PPP2R2B: variants seen among roughly 807,000 people sequenced by gnomAD.
PPP2R2B encodes the protein serine/threonine-protein phosphatase 2A 55 kDa regulatory subunit B beta isoform.
In PPP2R2B, 5 loss-of-function variants were observed where a neutral mutation model predicts 46.0. The ratio of observed to expected loss-of-function variants is 0.11; its 90% CI spans 0.06 to 0.23. The LOEUF (loss-of-function observed/expected upper bound fraction) is 0.23, where lower values mean the gene tolerates loss of function less well. PPP2R2B is among the 10% of genes least tolerant of loss of function. The pLI is 1.00. For missense variants in PPP2R2B, 367 were observed against 575.0 expected, an observed-to-expected ratio of 0.64 and a Z score of 3.70; for synonymous variants, 215 against 206.7, an observed-to-expected ratio of 1.04 and a Z score of -0.34.
chr5:146,656,902 T>G lies in PPP2R2B; in HGVS notation c.448-6178A>C, dbSNP rs75419449. On this transcript the variant is annotated intron_variant, in intron 5 of 9. Transcript: ENST00000394411. The stretch of plus-strand genomic sequence containing the variant: ...TCTGTCTCTGCTCACCCGCTTTGAG[T>G]CTTCCTCCCTCAGGTTCTTATTATC... 6.5e-3 allele frequency among the ~76,000 whole-genome samples: 990 copies of G among 152,192 alleles called. 24 individuals are homozygous for G. Among genetic ancestry groups the G allele is most frequent in the Admixed American group, 0.042 (636 of 15,274 alleles).
intron 1 of PPP2R2B, among the ~76,000 whole-genome samples, chr5:146,926,477 C>T (rs1207060068): frequency 3.3e-5 from 5 of 151,932 alleles, no homozygotes; most frequent in Admixed American, 6.6e-5. Flanking sequence ...CTGCAAGCTC[C>T]GCCTCTCGGG....
In PPP2R2B at chr5:146,878,498, C is replaced by A. The variant is rs965085801; in HGVS notation, c.-125+93G>T. The A allele has an allele frequency of 1.5e-6, 2 of 1,326,864 alleles. No homozygotes were observed. Among genetic ancestry groups the A allele is most frequent in the Non-Finnish European group, 1.9e-6 (2 of 1,030,170 alleles). The allele number at this position is 1,326,864 out of a possible 1,614,324, so 82.2% of individuals were successfully genotyped here. A position where few individuals can be genotyped will look rare whatever the true frequency, so the allele number is the denominator to read the frequency against. ...CTCCAAAATGCAAAAAAGATCCCTC[C>A]TCCCCCTGGGAGAGCGGGCAGCCGC... On this transcript the variant is annotated intron_variant, in intron 1 of 9. Coordinates refer to ENST00000394411, the MANE Select transcript of PPP2R2B (RefSeq NM_181675.4). This position sits in a 1 kb window ranked among gnomAD's most constrained non-coding sequence, Gnocchi z 4.5.
chr5:146,777,536 T>C (rs1429072598), intron 2 of PPP2R2B, among the ~76,000 whole-genome samples: 1 of 152,124 alleles, frequency 6.6e-6, no homozygotes, highest in African/African-American at 2.4e-5. Flanking sequence ...TTTTTGGAAA[T>C]AATAGTGATA....
At position 146,615,879 on chromosome 5, in the gene PPP2R2B, G is replaced by GA. The variant is rs146996272; in HGVS notation, c.791-15420dup. The stretch of plus-strand genomic sequence containing the variant: ...AAATACCAATGACTTTACAGAAATA[G>GA]AAAAAACAATCCTAAAATTTATATG... On this transcript the variant is annotated intron_variant, in intron 7 of 9. Transcript: ENST00000394411. 6.7e-3 allele frequency among the ~76,000 whole-genome samples: 1,025 copies of GA among 152,158 alleles called. 15 individuals carry two copies. The highest frequency in any genetic ancestry group is 0.023 in the African/African-American group (972 of 41,536).
intron 2 of PPP2R2B, among the ~76,000 whole-genome samples, chr5:147,070,961 G>T (rs1404636426): frequency 6.6e-6 from 1 of 152,008 alleles, no homozygotes; most frequent in African/African-American, 2.4e-5. Context: ...CTGCACTCCA[G>T]CCTGGCGACA....
intron 2 of PPP2R2B, among the ~76,000 whole-genome samples, chr5:147,080,155 T>C (rs1390341581): frequency 1.3e-5 from 2 of 152,206 alleles, no homozygotes; most frequent in Non-Finnish European, 2.9e-5. Flanking sequence ...CTTGAATTAC[T>C]TTTTACTCAG....
At chr5:146,645,018 G>A (rs1775483868) in intron 6 of PPP2R2B, among the ~76,000 whole-genome samples, 1 of 152,158 alleles carries the variant, frequency 6.6e-6, no homozygotes, top group Admixed American at 6.5e-5. Flanking sequence ...TATAAACATT[G>A]GCCAAGCTGA....
chr5:146,672,824 C>T (rs535126688), intron 5 of PPP2R2B, among the ~76,000 whole-genome samples: 51 of 152,314 alleles, frequency 3.3e-4, no homozygotes, highest in African/African-American at 1.2e-3. Flanking sequence ...TTTTTTCCTT[C>T]ACGAGAACTC....
At chr5:146,845,742 C>T (rs1366200449) in intron 2 of PPP2R2B, among the ~76,000 whole-genome samples, 4 of 152,146 alleles carry the variant, frequency 2.6e-5, no homozygotes, top group Admixed American at 6.5e-5. Flanking sequence ...GTGAAATAGG[C>T]AATTTGAGTA....
At chr5:146,835,364 GT>G (rs749083512) in intron 2 of PPP2R2B, among the ~76,000 whole-genome samples, 10 of 152,042 alleles carry the variant, frequency 6.6e-5, no homozygotes, top group Non-Finnish European at 1.2e-4. Flanking sequence ...TTCAGGGAGT[GT>G]TTTGATTTCC....
intron 2 of PPP2R2B, among the ~76,000 whole-genome samples, chr5:146,794,087 T>A (rs1471182606): frequency 6.6e-6 from 1 of 152,184 alleles, no homozygotes; most frequent in Non-Finnish European, 1.5e-5. Flanking sequence ...GTCCAATAAC[T>A]CTCCATTCCC....
intron 2 of PPP2R2B, among the ~76,000 whole-genome samples, chr5:146,849,430 G>A (rs1760208562): frequency 6.6e-6 from 1 of 152,140 alleles, no homozygotes; most frequent in Non-Finnish European, 1.5e-5. Context: ...ATGACTGTAA[G>A]CTTCTTAAAG....
At chr5:147,077,114 A>AT (rs201475672) in intron 2 of PPP2R2B, among the ~76,000 whole-genome samples, 1 of 147,678 alleles carries the variant, frequency 6.8e-6, no homozygotes, top group African/African-American at 2.5e-5. Flanking sequence ...TATAATATGT[A>AT]ATATTGTATA....
chr5:146,801,292 C>G (rs1344084667), intron 2 of PPP2R2B, among the ~76,000 whole-genome samples: 1 of 152,068 alleles, frequency 6.6e-6, no homozygotes, highest in East Asian at 1.9e-4. Context: ...GTATTGTAGA[C>G]TTGAAATTTG....
At chr5:146,720,869 AC>A (rs1780756887) in intron 2 of PPP2R2B, among the ~76,000 whole-genome samples, 1 of 152,214 alleles carries the variant, frequency 6.6e-6, no homozygotes, top group African/African-American at 2.4e-5. Flanking sequence ...ATAGAATGCT[AC>A]TGAAAAATAC....
chr5:146,749,253 T>A (rs1419754745), intron 2 of PPP2R2B, among the ~76,000 whole-genome samples: 1 of 152,226 alleles, frequency 6.6e-6, no homozygotes, highest in African/African-American at 2.4e-5. Context: ...TGCATTTTTT[T>A]AATGCTGTTT....
chr5:146,878,878 T>C (rs1202866435), upstream of PPP2R2B: 3 of 1,164,312 alleles, frequency 2.6e-6, no homozygotes, highest in East Asian at 4.4e-5. The surrounding 1 kb of genome is among the most constrained non-coding windows in gnomAD (Gnocchi z 4.5). Context: ...TGCTCTTTGC[T>C]GCAGTGGGGC....
chr5:146,821,819 A>T (rs530261822), intron 2 of PPP2R2B, among the ~76,000 whole-genome samples: 1 of 152,244 alleles, frequency 6.6e-6, no homozygotes, highest in African/African-American at 2.4e-5. Context: ...TTTAACTTTC[A>T]GCTGGTTCAG....
intron 2 of PPP2R2B, chr5:146,706,926 C>T (rs1214064438): frequency 1.7e-6 from 2 of 1,181,816 alleles, no homozygotes; most frequent in Admixed American, 1.7e-5. Context: ...TCCCGGATCT[C>T]CTCTTCATAC....
Sources: gnomAD v4.1 joint callset for allele counts (sites outside exome capture counted in the v4.1 genomes callset) on GRCh38, gnomAD v4.1.1 for gene constraint, Gnocchi (gnomAD v3.1) non-coding constraint, MANE v1.5 for transcripts, NCBI Gene and HGNC (gene_info 2026-07-23, HGNC 2026-07-21) for gene names.